The following TRPM3 variants were observed in gnomAD, a reference collection of about 807,000 sequenced individuals.
The protein encoded by TRPM3 is long transient receptor potential channel 3.
Under a neutral mutation model 181.2 loss-of-function variants are expected in TRPM3, and 77 were observed. The ratio of observed to expected loss-of-function variants is 0.42; its 90% CI spans 0.35 to 0.51. The LOEUF (loss-of-function observed/expected upper bound fraction) is 0.51. Among genes scored for constraint, TRPM3 ranks in the 20% least tolerant of loss-of-function variants. TRPM3 has a pLI of 0.01. For missense variants in TRPM3, 1,759 were observed against 2,196.7 expected, an observed-to-expected ratio of 0.80 and a Z score of 3.98; for synonymous variants, 745 against 796.4, an observed-to-expected ratio of 0.94 and a Z score of 1.09.
intron 1 of TRPM3, among the ~76,000 whole-genome samples, chr9:71,026,966 C>T (rs540592693): frequency 3.3e-5 from 5 of 152,284 alleles, no homozygotes; most frequent in East Asian, 3.9e-4. Context: ...TGAGCACGCA[C>T]CCTGCTGCAC....
At chr9:71,411,826 C>A (rs2093555250) in intron 1 of TRPM3, among the ~76,000 whole-genome samples, 1 of 152,176 alleles carries the variant, frequency 6.6e-6, no homozygotes, top group Admixed American at 6.5e-5. Context: ...CCGGAGGCAT[C>A]ATGCTACCTG....
At chr9:70,696,620 G>A (rs188072804) in intron 8 of TRPM3, among the ~76,000 whole-genome samples, 5 of 152,332 alleles carry the variant, frequency 3.3e-5, no homozygotes, top group Admixed American at 6.5e-5. Context: ...GGATGTGTGC[G>A]CAAACCCGTG....
At chr9:70,986,909 G>A (rs1253579019) in intron 1 of TRPM3, among the ~76,000 whole-genome samples, 2 of 151,576 alleles carry the variant, frequency 1.3e-5, no homozygotes, top group Non-Finnish European at 2.9e-5. Context: ...GAACTTTCTA[G>A]GTGATGGAAA....
intron 1 of TRPM3, among the ~76,000 whole-genome samples, chr9:71,060,072 G>T (rs1040024031): frequency 4.5e-4 from 68 of 152,212 alleles, no homozygotes; most frequent in African/African-American, 1.6e-3. Context: ...GACTTGCTCT[G>T]TATTGCCCAA....
intron 9 of TRPM3, among the ~76,000 whole-genome samples, chr9:70,680,226 T>C (rs1414615117): frequency 1.3e-5 from 2 of 152,222 alleles, no homozygotes; most frequent in Non-Finnish European, 2.9e-5. Flanking sequence ...AGCGAATTAC[T>C]TAACTTCCTG....
At position 70,620,267 on chromosome 9, in the gene TRPM3, G is replaced by A; in HGVS notation, c.1938C>T (p.Phe646=). The A allele has an allele frequency of 1.9e-6, 3 of 1,614,248 alleles. No homozygotes were observed. The highest frequency in any genetic ancestry group is 1.6e-4 in the Middle Eastern group (1 of 6,062). Residue 646 remains phenylalanine, a synonymous_variant, in exon 16 of 26, where the codon TTC becomes TTT. Coordinates refer to ENST00000677713, the MANE Select transcript of TRPM3 (RefSeq NM_001366145.2). The part of the protein sequence containing the change: ...LDDPEINHFP[F]PFHELMVWAV... ...CCCACACCATGAGCTCATGGAAAGGGAAGGGGAAGTGGTTGATCTCAGGAT... is the reference window on the plus strand; with the variant it reads ...CCCACACCATGAGCTCATGGAAAGGAAAGGGGAAGTGGTTGATCTCAGGAT...
At chr9:71,418,600 G>A (rs2093673404) in intron 1 of TRPM3, among the ~76,000 whole-genome samples, 1 of 151,566 alleles carries the variant, frequency 6.6e-6, no homozygotes, top group South Asian at 2.1e-4. Context: ...AATGGGAAAG[G>A]TCCTGAGCAG....
chr9:71,332,376 G>GGGGTGTGTGTGTGTGT (rs566139399), intron 1 of TRPM3, among the ~76,000 whole-genome samples: 7 of 142,248 alleles, frequency 4.9e-5, no homozygotes, highest in African/African-American at 1.5e-4. Context: ...TTCAATGTTG[G>GGGGTGTGTGTGTGTGT]GTGTGTGTGT....
At chr9:71,116,310 C>T (rs7033291) in intron 1 of TRPM3, among the ~76,000 whole-genome samples, 152,238 of 152,342 alleles carry the variant, frequency 1, 76,067 homozygotes, top group Middle Eastern at 1. Context: ...TTCTGGTTTA[C>T]TGACATCATT....
At chr9:70,817,621 A>T (rs938778425) in intron 6 of TRPM3, among the ~76,000 whole-genome samples, 1 of 152,126 alleles carries the variant, frequency 6.6e-6, no homozygotes, top group Non-Finnish European at 1.5e-5. Context: ...AGACCGGAAG[A>T]TCTCCTGCCA....
At chr9:70,550,848 T>C (rs1005851168) in intron 24 of TRPM3, among the ~76,000 whole-genome samples, 1 of 152,160 alleles carries the variant, frequency 6.6e-6, no homozygotes, top group Admixed American at 6.5e-5. Flanking sequence ...ATTAGACTGC[T>C]CTTGTCAAAT....
intron 1 of TRPM3, among the ~76,000 whole-genome samples, chr9:71,325,917 C>T (rs1402535199): frequency 6.6e-6 from 1 of 152,100 alleles, no homozygotes; most frequent in East Asian, 1.9e-4. Context: ...AGAGATTTTA[C>T]AAATTTCTGG....
intron 1 of TRPM3, among the ~76,000 whole-genome samples, chr9:71,048,513 G>A (rs1025247016): frequency 1.3e-5 from 2 of 152,146 alleles, no homozygotes; most frequent in Admixed American, 6.5e-5. Flanking sequence ...GGTGGTATGC[G>A]CTTTCAGCAA....
chr9:71,396,168 T>C (rs1440248881), intron 1 of TRPM3, among the ~76,000 whole-genome samples: 1 of 152,198 alleles, frequency 6.6e-6, no homozygotes, highest in South Asian at 2.1e-4. Context: ...CCTTGTGATA[T>C]TTAGAAGTTA....
intron 15 of TRPM3, 21 bp from the exon 16 acceptor site, chr9:70,620,386 C>T (rs751477939): frequency 8.2e-6 from 13 of 1,590,974 alleles, no homozygotes; most frequent in Middle Eastern, 1.8e-4. Flanking sequence ...AGGGAAACCA[C>T]ACAGACTGAG....
At chr9:70,552,756 T>C in intron 24 of TRPM3, 88 bp downstream of exon 24, 2 of 1,373,838 alleles carry the variant, frequency 1.5e-6, no homozygotes, top group Non-Finnish European at 2.1e-6. Context: ...TAGGAGGAAC[T>C]AGGTGGGCAT....
intron 1 of TRPM3, among the ~76,000 whole-genome samples, chr9:71,428,533 G>A (rs936287421): frequency 1.3e-5 from 2 of 152,100 alleles, no homozygotes; most frequent in African/African-American, 4.8e-5. Flanking sequence ...AGTTTCTTCA[G>A]AATTTCTGGA....
At chr9:71,072,519 T>TA (rs1308121753) in intron 1 of TRPM3, among the ~76,000 whole-genome samples, 1 of 152,120 alleles carries the variant, frequency 6.6e-6, no homozygotes, top group Non-Finnish European at 1.5e-5. Flanking sequence ...TACTGCCCCA[T>TA]TCCATAGACA....
intron 12 of TRPM3, 28 bp downstream of exon 12, chr9:70,635,183 T>A: frequency 6.2e-7 from 1 of 1,610,568 alleles, no homozygotes; most frequent in Non-Finnish European, 8.5e-7. Flanking sequence ...AGACAGGGCC[T>A]CCGACCTGCA....
Sources: allele counts gnomAD v4.1 joint callset (sites outside exome capture counted in the v4.1 genomes callset), GRCh38; gene constraint gnomAD v4.1.1; transcripts MANE v1.5; gene names NCBI Gene and HGNC (gene_info 2026-07-23, HGNC 2026-07-21).